The following CFAP57 variants were observed in gnomAD, a reference collection of about 807,000 sequenced individuals.
The protein encoded by CFAP57 is cilia and flagella associated protein 57.
CFAP57 carries 116 observed loss-of-function variants against 146.8 expected under a neutral mutation model. The observed-to-expected ratio is 0.79, with a 90% CI of 0.68 to 0.92. CFAP57 has a LOEUF of 0.92. Ranked by LOEUF, CFAP57 falls within the 40% of genes least tolerant of loss-of-function variation. The probability of loss-of-function intolerance (pLI) is 0.00; values close to 1 mark genes in which losing one functional copy is unlikely to be tolerated. For synonymous variants in CFAP57, 518 were observed against 552.8 expected, an observed-to-expected ratio of 0.94 and a Z score of 0.88; for missense variants, 1,377 against 1,527.2, an observed-to-expected ratio of 0.90 and a Z score of 1.64.
At chr1:43,191,572 G>A (rs1473165877) in intron 6 of CFAP57, among the ~76,000 whole-genome samples, 3 of 122,408 alleles carry the variant, frequency 2.5e-5, no homozygotes, top group African/African-American at 3.4e-5. Context: ...GGGTGACAAA[G>A]CAAGACTCCG....
chr1:43,231,849 G>A (rs1013756613), intron 18 of CFAP57, among the ~76,000 whole-genome samples: 11 of 152,200 alleles, frequency 7.2e-5, no homozygotes, highest in Admixed American at 2.0e-4. Flanking sequence ...CTCCAGCCTC[G>A]GCAACAGAGC....
chr1:43,200,675 G>A (rs149767602), intron 9 of CFAP57, among the ~76,000 whole-genome samples: 1 of 152,268 alleles, frequency 6.6e-6, no homozygotes, highest in East Asian at 1.9e-4. Context: ...TAGGCAGAAG[G>A]ACTTGTTGGA....
intron 13 of CFAP57, 124 bp downstream of exon 13, chr1:43,219,661 A>T: frequency 8.1e-7 from 1 of 1,230,872 alleles, no homozygotes; most frequent in South Asian, 1.3e-5. Context: ...CCAATTTTAA[A>T]GCATAGTCGT....
At chr1:43,206,976 G>A in intron 10 of CFAP57, 44 bp downstream of exon 10, 1 of 1,590,746 alleles carries the variant, frequency 6.3e-7, no homozygotes, top group South Asian at 1.1e-5. Context: ...GCACGGATCT[G>A]CAGGGACAGC....
At chr1:43,213,765 G>T (rs1033849153) in intron 11 of CFAP57, among the ~76,000 whole-genome samples, 2 of 151,946 alleles carry the variant, frequency 1.3e-5, no homozygotes, top group Non-Finnish European at 2.9e-5. Flanking sequence ...GGGTAAGATG[G>T]TATCTCATGG....
Position 43,206,713 on chromosome 1 carries a change from C to T in CFAP57, c.1543-7C>T. 1.2e-6 allele frequency: 2 copies of T among 1,613,868 alleles called. No homozygotes were observed. Among genetic ancestry groups the T allele is most frequent in the South Asian group, 1.1e-5 (1 of 91,060 alleles). On this transcript the variant is annotated splice_region_variant and splice_polypyrimidine_tract_variant and intron_variant, in intron 9 of 22. Transcript: ENST00000372492. ...CTCTTCACTGGATATGTCTTCCTCT[C>T]CTGCAGATTCGCTCAATTGTGTGGA...
In CFAP57 at chr1:43,254,194, C is replaced by G; in HGVS notation, c.*3C>G. ...ACTTAGAGGTGAAGACCAACTGACC[C>G]CCTCTGGTGAGCCATCTCCAGCCAC... On this transcript the variant is annotated 3_prime_UTR_variant, in exon 23 of 23. Coordinates refer to ENST00000372492, the MANE Select transcript of CFAP57 (RefSeq NM_001378189.1). 2 of 1,543,918 alleles carry G rather than the reference C, an allele frequency of 1.3e-6. No homozygotes were observed. The highest frequency in any genetic ancestry group is 1.9e-4 in the Middle Eastern group (1 of 5,136).
At chr1:43,194,232 C>G (rs955935046) in intron 6 of CFAP57, among the ~76,000 whole-genome samples, 13 of 152,030 alleles carry the variant, frequency 8.6e-5, no homozygotes, top group Admixed American at 8.5e-4. Context: ...TTTTGTTTGA[C>G]AGCTTTTTCT....
chr1:43,206,457 T>C, intron 9 of CFAP57: 1 of 495,242 alleles, frequency 2.0e-6, no homozygotes, highest in Non-Finnish European at 3.6e-6. Context: ...GGTTCTAGCC[T>C]TAAGAAACCT....
At position 43,198,464 on chromosome 1, in the gene CFAP57, A is replaced by G. The variant is rs767207084; in HGVS notation, c.1263-17A>G. 1.2e-6 allele frequency: 2 copies of G among 1,613,424 alleles called. No individual in the cohort carries two copies. The highest frequency in any genetic ancestry group is 2.2e-5 in the East Asian group (1 of 44,870). On this transcript the variant is annotated splice_polypyrimidine_tract_variant and intron_variant, in intron 7 of 22. Transcript: ENST00000372492. Reference sequence around the variant, plus strand: ...AGTGAGCTAAGCTTACAATTCAGTAATTGATCTTTTTCACAGCACCCTGGA... The same window carrying G: ...AGTGAGCTAAGCTTACAATTCAGTAGTTGATCTTTTTCACAGCACCCTGGA...
Position 43,254,037 on chromosome 1 carries a change from C to T in CFAP57, c.3599C>T (p.Thr1200Ile), listed in dbSNP as rs74787041. The change falls in exon 23 of 23, where the codon ACT becomes ATT. Residue 1200 changes from threonine to isoleucine, a missense_variant. By Grantham distance (89) the Thr-to-Ile change is moderately conservative. Transcript: ENST00000372492. Reference protein sequence around the residue: ...PTARLNEQEETGRIIEMQRLE... With the variant: ...PTARLNEQEEIGRIIEMQRLE... ...GCAAGGTTGAATGAGCAAGAAGAAA[C>T]TGGGAGGATCATTGAAATGCAGCGC... The T allele has an allele frequency of 2.8e-5, 43 of 1,550,600 alleles. No homozygotes were observed. The East Asian group carries it at 1.0e-3, about 36-fold the overall frequency.
intron 5 of CFAP57, among the ~76,000 whole-genome samples, chr1:43,186,155 T>TG (rs1430372157): frequency 6.6e-6 from 1 of 151,682 alleles, no homozygotes; most frequent in African/African-American, 2.4e-5. Flanking sequence ...GGTGAGAGGA[T>TG]GGCTTGAGCC....
chr1:43,227,466 C>T (rs1368396414), intron 18 of CFAP57, among the ~76,000 whole-genome samples: 1 of 152,246 alleles, frequency 6.6e-6, no homozygotes, highest in Non-Finnish European at 1.5e-5. Context: ...ACTCAGCCAA[C>T]AGGCTATCCT....
chr1:43,172,549 C>G, intron 1 of CFAP57, 96 bp downstream of exon 1: 1 of 695,814 alleles, frequency 1.4e-6, no homozygotes, highest in Non-Finnish European at 2.0e-6. Context: ...TGGGGTGGCG[C>G]GGAGGAGGAC....
chr1:43,251,936 A>G (rs771939590), intron 22 of CFAP57, among the ~76,000 whole-genome samples: 1 of 152,226 alleles, frequency 6.6e-6, no homozygotes, highest in Non-Finnish European at 1.5e-5. Flanking sequence ...AGCTAAACTA[A>G]TTGAAATTGT....
chr1:43,208,764 G>A (rs1644466416), intron 10 of CFAP57, among the ~76,000 whole-genome samples: 1 of 151,828 alleles, frequency 6.6e-6, no homozygotes, highest in African/African-American at 2.4e-5. Context: ...TGCACGTTGT[G>A]CACATGTACC....
At chr1:43,210,798 G>C (rs1383335847) in intron 11 of CFAP57, 1 of 152,152 alleles carries the variant, frequency 6.6e-6, no homozygotes, top group African/African-American at 2.4e-5. Context: ...CTGTACACTT[G>C]AAAATGGTTA....
chr1:43,240,290 G>A (rs12135483), intron 21 of CFAP57, among the ~76,000 whole-genome samples: 1 of 152,052 alleles, frequency 6.6e-6, no homozygotes, highest in South Asian at 2.1e-4. Context: ...GCCTCACATC[G>A]CTAAGCTGCT....
At chr1:43,206,420 G>A (rs1644359379) in intron 9 of CFAP57, 1 of 333,498 alleles carries the variant, frequency 3.0e-6, no homozygotes. Flanking sequence ...TTTCAAAAAT[G>A]TTTTGAAAAA....
Sources: allele counts gnomAD v4.1 joint callset (sites outside exome capture counted in the v4.1 genomes callset), GRCh38; gene constraint gnomAD v4.1.1; transcripts MANE v1.5; gene names NCBI Gene and HGNC (gene_info 2026-07-23, HGNC 2026-07-21).